CSNK1A1: variants seen among roughly 807,000 people sequenced by gnomAD.
The protein encoded by CSNK1A1 is casein kinase I isoform alpha.
CSNK1A1 carries 7 observed loss-of-function variants against 46.1 expected under a neutral mutation model. The observed-to-expected ratio is 0.15, with a 90% CI of 0.09 to 0.29. The LOEUF (loss-of-function observed/expected upper bound fraction) is 0.29. CSNK1A1 is among the 10% of genes least tolerant of loss of function. The pLI is 1.00. For missense variants in CSNK1A1, 96 were observed against 417.1 expected (o/e 0.23, Z 6.71); for synonymous variants, 137 against 141.5 (o/e 0.97, Z 0.23).
chr5:149,518,149 T>C (rs905972650), intron 4 of CSNK1A1, among the ~76,000 whole-genome samples: 2 of 152,204 alleles, frequency 1.3e-5, no homozygotes, highest in Non-Finnish European at 2.9e-5. Context: ...TTGGCTCTTT[T>C]ATATTTTTAA....
Position 149,495,832 on chromosome 5 carries a change from G to T in CSNK1A1, c.*1021C>A, listed in dbSNP as rs985325872. ...ACTTTTTTCATTTTTCTTAAAAAAA[G>T]AGGAAAAGTTATAACACGAAACCTA... On this transcript the variant is annotated 3_prime_UTR_variant, in exon 10 of 10. Coordinates refer to ENST00000377843, the MANE Select transcript of CSNK1A1 (RefSeq NM_001892.6). The T allele has an allele frequency of 2.7e-5, 4 of 146,568 alleles. No homozygotes were observed. The highest frequency in any genetic ancestry group is 1.0e-4 in the African/African-American group (4 of 39,478). The allele number at this position is 146,568 out of a possible 1,614,324, so 9.1% of individuals were successfully genotyped here.
intron 9 of CSNK1A1, chr5:149,498,182 A>G: frequency 6.1e-6 from 6 of 985,092 alleles, no homozygotes; most frequent in Non-Finnish European, 7.2e-6. Context: ...GCTTTGTGGG[A>G]GAAACAAAAT....
At chr5:149,526,646 A>G (rs576940232) in intron 2 of CSNK1A1, among the ~76,000 whole-genome samples, 3 of 152,316 alleles carry the variant, frequency 2.0e-5, no homozygotes, top group South Asian at 4.1e-4. Flanking sequence ...TGCAAAGATA[A>G]CTATACAGAT....
chr5:149,534,591 T>C (rs907915864), intron 2 of CSNK1A1, among the ~76,000 whole-genome samples: 5 of 151,914 alleles, frequency 3.3e-5, no homozygotes, highest in Middle Eastern at 3.4e-3. Flanking sequence ...AATATTCTCC[T>C]AGTTCCAGTT....
chr5:149,520,311 A>C lies in CSNK1A1; in HGVS notation c.435T>G (p.Gly145=). ...RDIKPDNFLM[G]IGRHCNKLFL... is the part of the protein sequence containing the mutation. ...TAACCTTATTACAGTGACGCCCAAT[A>C]CCCATTAGGAAGTTATCTGGTTTAA... The change falls in exon 4 of 10, where the codon GGT becomes GGG. Residue 145 remains glycine (G), a synonymous_variant. Transcript: ENST00000377843. The C allele has an allele frequency of 6.2e-7, 1 of 1,607,266 alleles. No individual in the cohort carries two copies. Among genetic ancestry groups the C allele is most frequent in the Middle Eastern group, 1.7e-4 (1 of 6,034 alleles).
At chr5:149,497,012 AAAAC>A in intron 9 of CSNK1A1, 152 bp from the exon 10 acceptor site, 1 of 1,433,360 alleles carries the variant, frequency 7.0e-7, no homozygotes, top group South Asian at 1.6e-5. Flanking sequence ...TCAACTTTTT[AAAAC>A]AGAAAAACAT....
intron 9 of CSNK1A1, chr5:149,500,999 TG>T: frequency 1.0e-6 from 1 of 985,434 alleles, no homozygotes; most frequent in Non-Finnish European, 1.2e-6. Context: ...TCTGACGTTC[TG>T]GAGTTTTAAA....
intron 9 of CSNK1A1, 143 bp downstream of exon 9, chr5:149,505,304 A>T: frequency 1.4e-6 from 2 of 1,422,304 alleles, no homozygotes; most frequent in East Asian, 2.5e-5. Context: ...AAATTTTCCA[A>T]GGACGTCTTT....
chr5:149,542,984 T>A (rs916196575), intron 2 of CSNK1A1, among the ~76,000 whole-genome samples: 2 of 151,754 alleles, frequency 1.3e-5, no homozygotes, highest in Non-Finnish European at 2.9e-5. Flanking sequence ...TGTGAACCAC[T>A]GCGCCTGGCC....
At chr5:149,501,944 C>T (rs1760871431) in intron 9 of CSNK1A1, 1 of 937,920 alleles carries the variant, frequency 1.1e-6, no homozygotes, top group African/African-American at 1.8e-5. Flanking sequence ...TAATTATAAT[C>T]TTGTAGTAAT....
At chr5:149,497,733 G>A in intron 9 of CSNK1A1, 1 of 985,396 alleles carries the variant, frequency 1.0e-6, no homozygotes, top group Non-Finnish European at 1.2e-6. Flanking sequence ...CCTTACAAAT[G>A]AGCTAGAAAC....
At chr5:149,519,002 CA>C (rs1233871229) in intron 4 of CSNK1A1, among the ~76,000 whole-genome samples, 1 of 151,842 alleles carries the variant, frequency 6.6e-6, no homozygotes, top group Non-Finnish European at 1.5e-5. Flanking sequence ...AACTTAAGAA[CA>C]GTAATTTTTT....
rs1762637194 is a variant in CSNK1A1 at position 149,550,833 on chromosome 5, G to T, written c.123+9C>A. The T allele has an allele frequency of 6.2e-7, 1 of 1,612,804 alleles. No individual in the cohort carries two copies. Among genetic ancestry groups the T allele is most frequent in the East Asian group, 2.2e-5 (1 of 44,866 alleles). On this transcript the variant is annotated intron_variant, in intron 1 of 9. Transcript: ENST00000377843. This position sits in a 1 kb window ranked among gnomAD's most constrained non-coding sequence, Gnocchi z 4.3. Reference sequence around the variant, plus strand: ...CAGCGTTATCGTGAACCCCACCCCAGATGATTACCTCGCCGTTGGTGATGT... The same window carrying T: ...CAGCGTTATCGTGAACCCCACCCCATATGATTACCTCGCCGTTGGTGATGT...
Position 149,516,469 on chromosome 5 carries a change from G to A in CSNK1A1, c.457-3260C>T, listed in dbSNP as rs145285630. On this transcript the variant is annotated intron_variant, in intron 4 of 9. Transcript: ENST00000377843. ...CTAATCTTAGTGTTTAGTACTTGCAGCATTTTTTTTTTTTTCCTAACCAGG... is the reference window on the plus strand; with the variant it reads ...CTAATCTTAGTGTTTAGTACTTGCAACATTTTTTTTTTTTTCCTAACCAGG... 1.1e-3 allele frequency among the ~76,000 whole-genome samples: 162 copies of A among 149,852 alleles called. 1 individual carries two copies. In the East Asian group the frequency reaches 0.031, roughly 29 times the overall value.
intron 8 of CSNK1A1, 112 bp from the exon 9 acceptor site, chr5:149,505,707 C>G (rs1760999401): frequency 1.2e-6 from 1 of 836,204 alleles, no homozygotes; most frequent in Non-Finnish European, 1.9e-6. Context: ...AATATTTCCT[C>G]AAGTGTGGCA....
At chr5:149,542,592 TTATATATATATATA>T (rs1160379269) in intron 2 of CSNK1A1, among the ~76,000 whole-genome samples, 1,346 of 26,636 alleles carry the variant, frequency 0.051, 71 homozygotes, top group Non-Finnish European at 0.058. Flanking sequence ...AGATACAAAT[TTATATATATATATA>T]TATATATATA....
At chr5:149,531,493 G>A (rs1761895376) in intron 2 of CSNK1A1, among the ~76,000 whole-genome samples, 1 of 151,196 alleles carries the variant, frequency 6.6e-6, no homozygotes, top group Admixed American at 6.6e-5. Flanking sequence ...ACTCCTGCCT[G>A]GGCAACAAGA....
intron 3 of CSNK1A1, among the ~76,000 whole-genome samples, chr5:149,521,477 G>A (rs1049845311): frequency 1.3e-5 from 2 of 151,862 alleles, no homozygotes; most frequent in African/African-American, 2.4e-5. Context: ...TGGTAGAGAC[G>A]GGATATCGTT....
At chr5:149,532,781 G>T (rs1177371583) in intron 2 of CSNK1A1, among the ~76,000 whole-genome samples, 1 of 152,056 alleles carries the variant, frequency 6.6e-6, no homozygotes. Context: ...AAATCAAAAA[G>T]AAATACTAGA....
Sources: allele counts gnomAD v4.1 joint callset (sites outside exome capture counted in the v4.1 genomes callset), GRCh38; gene constraint gnomAD v4.1.1; non-coding constraint Gnocchi (gnomAD v3.1); transcripts MANE v1.5; gene names NCBI Gene and HGNC (gene_info 2026-07-23, HGNC 2026-07-21).